Variants in ADAMTSL1 observed in about 807,000 individuals in gnomAD.
ADAMTSL1 encodes the protein ADAMTS like 1.
ADAMTSL1 carries 126 observed loss-of-function variants against 201.8 expected under a neutral mutation model. The observed-to-expected ratio is 0.62, with a 90% CI of 0.54 to 0.72. ADAMTSL1 has a LOEUF of 0.72. Ranked by LOEUF, ADAMTSL1 falls within the 30% of genes least tolerant of loss-of-function variation. The probability of loss-of-function intolerance (pLI) is 0.00; values close to 1 mark genes in which losing one functional copy is unlikely to be tolerated. For synonymous variants in ADAMTSL1, 1,121 were observed against 903.4 expected, an observed-to-expected ratio of 1.24 and a Z score of -4.32; for missense variants, 2,679 against 2,277.8, an observed-to-expected ratio of 1.18 and a Z score of -3.59.
At chr9:18,046,069 T>C (rs943108783) in intron 1 of ADAMTSL1, among the ~76,000 whole-genome samples, 1 of 152,184 alleles carries the variant, frequency 6.6e-6, no homozygotes, top group Non-Finnish European at 1.5e-5. Context: ...TATTTTGTTC[T>C]TTTTTAGTTT....
rs745447400 is a variant in ADAMTSL1 at position 18,826,443 on chromosome 9, G to A, written c.4094G>A (p.Ser1365Asn). The A allele has an allele frequency of 2.1e-5, 34 of 1,613,326 alleles. No homozygotes were observed. The highest frequency in any genetic ancestry group is 2.8e-5 in the Non-Finnish European group (33 of 1,179,708). ...AANLHGELTE[S>N]TQLLILDPPQ... ...AATCTTCATGGAGAGCTGACTGAGA[G>A]CACCCAGCTGCTGATCCTAGGTAAA... The change falls in exon 22 of 29, where the codon AGC becomes AAC. Residue 1365 changes from serine to asparagine, a missense_variant. By Grantham distance (46) the Ser-to-Asn change is conservative. Coordinates refer to ENST00000380548, the MANE Select transcript of ADAMTSL1 (RefSeq NM_001040272.6).
chr9:18,130,230 C>G (rs1825894570), intron 1 of ADAMTSL1, among the ~76,000 whole-genome samples: 1 of 152,136 alleles, frequency 6.6e-6, no homozygotes, highest in Non-Finnish European at 1.5e-5. Context: ...TCGCATTAGT[C>G]ATTGCGGGAA....
At chr9:18,591,690 C>G (rs373145034) in intron 4 of ADAMTSL1, among the ~76,000 whole-genome samples, 1 of 152,142 alleles carries the variant, frequency 6.6e-6, no homozygotes, top group Non-Finnish European at 1.5e-5. Flanking sequence ...TTTTAAATCA[C>G]TGTAACTAGG....
At chr9:18,842,686 A>C (rs10156479) in intron 23 of ADAMTSL1, among the ~76,000 whole-genome samples, 71,108 of 151,846 alleles carry the variant, frequency 0.47, 17,038 homozygotes, top group African/African-American at 0.55. Context: ...CTTTGTAGGT[A>C]ACTCAGGACT....
At chr9:18,460,158 T>C (rs991316093) in intron 2 of ADAMTSL1, among the ~76,000 whole-genome samples, 6 of 152,214 alleles carry the variant, frequency 3.9e-5, no homozygotes, top group African/African-American at 1.2e-4. Context: ...TGACATTTCA[T>C]GATCAGCTAA....
intron 8 of ADAMTSL1, among the ~76,000 whole-genome samples, chr9:18,658,969 G>T (rs899164748): frequency 6.6e-6 from 1 of 152,184 alleles, no homozygotes; most frequent in African/African-American, 2.4e-5. Context: ...TTTCCAGAAG[G>T]ATAACAATCA....
intron 2 of ADAMTSL1, among the ~76,000 whole-genome samples, chr9:18,253,446 A>G (rs749263741): frequency 5.3e-5 from 8 of 152,232 alleles, no homozygotes; most frequent in African/African-American, 1.9e-4. Context: ...TTTATCAAAG[A>G]TAGTGTAAAA....
At chr9:18,265,143 A>G (rs1832073297) in intron 2 of ADAMTSL1, among the ~76,000 whole-genome samples, 2 of 152,100 alleles carry the variant, frequency 1.3e-5, no homozygotes, top group African/African-American at 2.4e-5. Context: ...AGCTCAAAGA[A>G]CTCAGTTTGA....
At chr9:18,819,051 C>T (rs1417181005) in intron 21 of ADAMTSL1, among the ~76,000 whole-genome samples, 1 of 152,122 alleles carries the variant, frequency 6.6e-6, no homozygotes, top group Non-Finnish European at 1.5e-5. Flanking sequence ...GAACCATCAC[C>T]CCTCAACACA....
chr9:18,891,308 G>C (rs558941159), intron 25 of ADAMTSL1, among the ~76,000 whole-genome samples: 1 of 152,360 alleles, frequency 6.6e-6, no homozygotes, highest in Non-Finnish European at 1.5e-5. Flanking sequence ...GGGTAACCCC[G>C]CTGTGACCCA....
In ADAMTSL1 at chr9:18,178,334, C is replaced by T. The variant is rs112685133; in HGVS notation, c.207+14353C>T. 8.8e-3 allele frequency among the ~76,000 whole-genome samples: 1,333 copies of T among 151,128 alleles called. 7 individuals carry two copies. Among genetic ancestry groups the T allele is most frequent in the Middle Eastern group, 0.027 (8 of 292 alleles). ...CTTTTCCGACGGGCTTAAAAAACGG[C>T]GCACCAGGAGATTATATCCTGCACC... On this transcript the variant is annotated intron_variant, in intron 2 of 29. Transcript: ENST00000680146.
Position 17,927,344 on chromosome 9 carries a change from A to G in ADAMTSL1, c.87+20422A>G, listed in dbSNP as rs574761717. On this transcript the variant is annotated intron_variant, in intron 1 of 29. Coordinates refer to the ADAMTSL1 transcript ENST00000680146. ...AATGCACACATACATATACACATAT[A>G]TGTACATGTACATATATACATATGT... is the stretch of plus-strand genomic sequence containing the variant. Among the ~76,000 whole-genome samples the G allele has an allele frequency of 7.2e-5, 11 of 152,302 alleles. No individual in the cohort carries two copies. In the East Asian group the frequency reaches 7.7e-4, roughly 11 times the overall value.
At chr9:18,553,588 T>C (rs1488552204) in intron 3 of ADAMTSL1, among the ~76,000 whole-genome samples, 4 of 151,834 alleles carry the variant, frequency 2.6e-5, no homozygotes, top group Non-Finnish European at 5.9e-5. Flanking sequence ...CTTTAGACTT[T>C]CTGTTAGTGA....
chr9:18,671,233 G>A (rs147940731), intron 9 of ADAMTSL1, among the ~76,000 whole-genome samples: 102 of 152,264 alleles, frequency 6.7e-4, no homozygotes, highest in African/African-American at 2.4e-3. Flanking sequence ...TAAGAAGAAG[G>A]AGAGCGAATT....
At chr9:18,419,837 C>G (rs1201637670) in intron 2 of ADAMTSL1, among the ~76,000 whole-genome samples, 1 of 148,298 alleles carries the variant, frequency 6.7e-6, no homozygotes, top group Non-Finnish European at 1.5e-5. Context: ...TCAAGCTATT[C>G]TCCTGCCTCA....
intron 3 of ADAMTSL1, among the ~76,000 whole-genome samples, chr9:18,548,959 C>G (rs191431346): frequency 1.4e-4 from 21 of 151,202 alleles, no homozygotes; most frequent in Admixed American, 4.6e-4. Context: ...AAATATAGGC[C>G]AAAATTCCAA....
At chr9:18,907,727 T>C (rs1830396024) in intron 28 of ADAMTSL1, 1 of 153,042 alleles carries the variant, frequency 6.5e-6, no homozygotes, top group African/African-American at 2.4e-5. Context: ...ACTCGGGTAG[T>C]GTTAACCCAT....
At chr9:18,175,545 A>G (rs1351815890) in intron 2 of ADAMTSL1, among the ~76,000 whole-genome samples, 1 of 152,204 alleles carries the variant, frequency 6.6e-6, no homozygotes, top group Non-Finnish European at 1.5e-5. Flanking sequence ...TGCTTCTGAC[A>G]ATATCCATTT....
At chr9:18,499,563 G>GA (rs1258450487) in intron 1 of ADAMTSL1, among the ~76,000 whole-genome samples, 2 of 152,174 alleles carry the variant, frequency 1.3e-5, no homozygotes, top group African/African-American at 4.8e-5. Context: ...CAGACCACAG[G>GA]AAAAATGGTT....
Sources: allele counts gnomAD v4.1 joint callset (sites outside exome capture counted in the v4.1 genomes callset), GRCh38; gene constraint gnomAD v4.1.1; transcripts MANE v1.5; gene names NCBI Gene and HGNC (gene_info 2026-07-23, HGNC 2026-07-21).